FHIT: variants seen among roughly 807,000 people sequenced by gnomAD.
The protein encoded by FHIT is fragile histidine triad diadenosine triphosphatase.
A neutral mutation model predicts 17.9 loss-of-function variants in FHIT; 19 were observed. The observed-to-expected ratio is 1.06, with a 90% CI of 0.74 to 1.56. FHIT has a LOEUF of 1.56. Among genes scored for constraint, FHIT ranks in the 40% most tolerant of loss-of-function variants. The probability of loss-of-function intolerance (pLI) is 0.00; values close to 1 mark genes in which losing one functional copy is unlikely to be tolerated. For synonymous variants in FHIT, 81 were observed against 69.7 expected, an observed-to-expected ratio of 1.16 and a Z score of -0.81; for missense variants, 248 against 189.2, an observed-to-expected ratio of 1.31 and a Z score of -1.82.
At chr3:60,571,126 G>A (rs948671049) in intron 4 of FHIT, among the ~76,000 whole-genome samples, 4 of 151,906 alleles carry the variant, frequency 2.6e-5, no homozygotes, top group South Asian at 2.1e-4. Context: ...TCAGGTGTTC[G>A]AGACCAGCCT....
Position 60,633,821 on chromosome 3 carries a change from A to G in FHIT, c.-17-96842T>C, listed in dbSNP as rs1424303767. Among the ~76,000 whole-genome samples the G allele has an allele frequency of 2.6e-5, 4 of 152,176 alleles. No homozygotes were observed. The East Asian group carries it at 7.7e-4, about 29-fold the overall frequency. ...GCCTGGTTTCCATCTGCGCGATTTA[A>G]CCACAAGCCACAGAGCGCCTCTGCG... On this transcript the variant is annotated intron_variant, in intron 4 of 9. Transcript: ENST00000492590.
In FHIT at chr3:60,442,593, T is replaced by C. The variant is rs1576661796; in HGVS notation, c.103+94267A>G. ...AGATCAGATAGTTGTAGATGTGTGGTATTATTTCTGAGGGCTCTGTCCTGT... is the reference window on the plus strand; with the variant it reads ...AGATCAGATAGTTGTAGATGTGTGGCATTATTTCTGAGGGCTCTGTCCTGT... On this transcript the variant is annotated intron_variant, in intron 5 of 9. Coordinates refer to ENST00000492590, the MANE Select transcript of FHIT (RefSeq NM_002012.4). Among the ~76,000 whole-genome samples, 3 of 152,210 alleles carry C rather than the reference T, an allele frequency of 2.0e-5. No homozygotes were observed. The East Asian group carries it at 5.8e-4, about 29-fold the overall frequency.
chr3:60,659,621 T>C (rs2040194284), intron 4 of FHIT, among the ~76,000 whole-genome samples: 1 of 152,208 alleles, frequency 6.6e-6, no homozygotes, highest in South Asian at 2.1e-4. Context: ...GTTCTATTTT[T>C]ACTTTTTCTG....
At chr3:60,184,342 A>C (rs76908722) in intron 5 of FHIT, among the ~76,000 whole-genome samples, 5,463 of 152,190 alleles carry the variant, frequency 0.036, 463 homozygotes, top group East Asian at 0.34. Flanking sequence ...TACCATATTA[A>C]CATAACTTAT....
chr3:60,624,479 G>A (rs1163325408), intron 4 of FHIT, among the ~76,000 whole-genome samples: 2 of 152,126 alleles, frequency 1.3e-5, no homozygotes, highest in Admixed American at 1.3e-4. Flanking sequence ...ATCTGAGCAA[G>A]TTTTATAGTT....
chr3:60,417,444 AT>A, intron 5 of FHIT, among the ~76,000 whole-genome samples: 1 of 152,302 alleles, frequency 6.6e-6, no homozygotes, highest in South Asian at 2.1e-4. Context: ...AGACGGAGCC[AT>A]TTGCTGTTCA....
At chr3:61,239,085 C>T (rs2040303372) in intron 1 of FHIT, among the ~76,000 whole-genome samples, 1 of 151,982 alleles carries the variant, frequency 6.6e-6, no homozygotes, top group Non-Finnish European at 1.5e-5. Context: ...AGGACTGTAA[C>T]TCATGTTCTG....
intron 4 of FHIT, among the ~76,000 whole-genome samples, chr3:60,645,046 T>C (rs932097157): frequency 4.6e-5 from 7 of 152,110 alleles, no homozygotes; most frequent in Non-Finnish European, 8.8e-5. Flanking sequence ...AACAGCTCAC[T>C]AGATCCCAGG....
intron 5 of FHIT, among the ~76,000 whole-genome samples, chr3:60,417,956 C>G (rs890651229): frequency 6.6e-6 from 1 of 152,134 alleles, no homozygotes; most frequent in African/African-American, 2.4e-5. Context: ...GTCATCAACT[C>G]AGAGTTTCAA....
intron 5 of FHIT, among the ~76,000 whole-genome samples, chr3:60,526,233 T>G (rs1218321083): frequency 6.6e-6 from 1 of 151,998 alleles, no homozygotes; most frequent in Non-Finnish European, 1.5e-5. Flanking sequence ...GCAAATACGG[T>G]AGTCTGCACT....
intron 3 of FHIT, among the ~76,000 whole-genome samples, chr3:60,822,699 G>C (rs1420708009): frequency 1.3e-5 from 2 of 151,752 alleles, no homozygotes; most frequent in East Asian, 3.9e-4. Context: ...TTTTCTAAAT[G>C]AGAATAAAGT....
At chr3:61,169,168 T>C (rs1220121547) in intron 2 of FHIT, among the ~76,000 whole-genome samples, 2 of 152,240 alleles carry the variant, frequency 1.3e-5, no homozygotes, top group Non-Finnish European at 2.9e-5. Flanking sequence ...CCTTGTACAA[T>C]GTCTTTGAGC....
At chr3:61,012,919 C>T (rs1439003) in intron 3 of FHIT, among the ~76,000 whole-genome samples, 1 of 151,330 alleles carries the variant, frequency 6.6e-6, no homozygotes, top group African/African-American at 2.4e-5. Context: ...TGAAATATGA[C>T]TTATAGAGAA....
At chr3:60,079,879 C>G (rs767456549) in intron 5 of FHIT, among the ~76,000 whole-genome samples, 6 of 151,804 alleles carry the variant, frequency 4.0e-5, no homozygotes, top group Admixed American at 6.6e-5. Flanking sequence ...AAAAATAATG[C>G]CCAGAATGTC....
At chr3:60,558,773 C>G (rs2036831265) in intron 4 of FHIT, among the ~76,000 whole-genome samples, 1 of 152,148 alleles carries the variant, frequency 6.6e-6, no homozygotes, top group Admixed American at 6.5e-5. Flanking sequence ...AGGGCATTAA[C>G]AGAATCTTTT....
At chr3:60,897,122 A>G (rs550842496) in intron 3 of FHIT, among the ~76,000 whole-genome samples, 1 of 152,324 alleles carries the variant, frequency 6.6e-6, no homozygotes, top group South Asian at 2.1e-4. Context: ...ATCCCGATTC[A>G]CAGGGATCTT....
At chr3:59,980,111 T>G (rs1400728676) in intron 7 of FHIT, among the ~76,000 whole-genome samples, 1 of 152,162 alleles carries the variant, frequency 6.6e-6, no homozygotes, top group Non-Finnish European at 1.5e-5. Flanking sequence ...ATTGCTCTTT[T>G]CCCCCTCTCC....
intron 5 of FHIT, among the ~76,000 whole-genome samples, chr3:60,478,636 C>A (rs1221740804): frequency 1.3e-5 from 2 of 152,114 alleles, no homozygotes; most frequent in Admixed American, 1.3e-4. Context: ...ACTAAAATCA[C>A]CACCATTTAT....
At chr3:60,621,224 C>T (rs1265684488) in intron 4 of FHIT, among the ~76,000 whole-genome samples, 7 of 147,002 alleles carry the variant, frequency 4.8e-5, no homozygotes, top group African/African-American at 1.3e-4. Context: ...TCTGGACACA[C>T]CACAACCTCC....
Sources: allele counts gnomAD v4.1 joint callset (sites outside exome capture counted in the v4.1 genomes callset), GRCh38; gene constraint gnomAD v4.1.1; transcripts MANE v1.5; gene names NCBI Gene and HGNC (gene_info 2026-07-23, HGNC 2026-07-21).